NBEAL1: variants seen among roughly 807,000 people sequenced by gnomAD.
NBEAL1 encodes neurobeachin like 1, also known as neurobeachin-like protein 1.
NBEAL1 carries 273 observed loss-of-function variants against 351.3 expected under a neutral mutation model. That is an observed-to-expected ratio of 0.78 (90% CI 0.70 to 0.86). NBEAL1 has a LOEUF of 0.86. NBEAL1 is among the 40% of genes least tolerant of loss of function. NBEAL1 has a pLI of 0.00. For missense variants in NBEAL1, 2,961 were observed against 3,201.3 expected (o/e 0.92, Z 1.81); for synonymous variants, 1,050 against 1,086.4 (o/e 0.97, Z 0.66).
intron 2 of NBEAL1, among the ~76,000 whole-genome samples, chr2:203,030,835 A>C (rs750389939): frequency 6.6e-6 from 1 of 152,148 alleles, no homozygotes; most frequent in Non-Finnish European, 1.5e-5. Context: ...CAACATAGTG[A>C]GGCCCTGTCT....
chr2:203,166,379 C>A, intron 37 of NBEAL1, 82 bp downstream of exon 37: 1 of 1,294,874 alleles, frequency 7.7e-7, no homozygotes, highest in Non-Finnish European at 1.1e-6. Flanking sequence ...AAGAAGAAAG[C>A]AGTAAGATAT....
intron 51 of NBEAL1, among the ~76,000 whole-genome samples, chr2:203,207,471 G>C (rs1031456212): frequency 6.6e-6 from 1 of 152,190 alleles, no homozygotes; most frequent in African/African-American, 2.4e-5. Context: ...GAATAGAAAG[G>C]GGGGAAAGGT....
chr2:203,127,708 C>T lies in NBEAL1; in HGVS notation c.3249-73C>T, dbSNP rs896595744. The T allele has an allele frequency of 9.3e-6, 9 of 964,194 alleles. No individual in the cohort carries two copies. In the East Asian group the frequency reaches 1.2e-4, roughly 13 times the overall value. The allele number at this position is 964,194 out of a possible 1,614,324, so 59.7% of individuals were successfully genotyped here. A position where few individuals can be genotyped will look rare whatever the true frequency, so the allele number is the denominator to read the frequency against. ...CTGCACTCCAGCCTGGGCAACAGAG[C>T]GAGACTCCATCTCAGAAAAAAGGAA... On this transcript the variant is annotated intron_variant, in intron 23 of 55. Transcript: ENST00000683969.
rs528256990 is a variant in NBEAL1, at chr2:203,147,569, A to G, written c.5305-1422A>G. Among the ~76,000 whole-genome samples the G allele has an allele frequency of 6.4e-4, 97 of 152,246 alleles. No homozygotes were observed. The South Asian group carries it at 0.018, about 28-fold the overall frequency. On this transcript the variant is annotated intron_variant, in intron 33 of 55. Coordinates refer to ENST00000683969, the MANE Select transcript of NBEAL1 (RefSeq NM_001378026.1). The stretch of plus-strand genomic sequence containing the variant: ...CTGTATTCATGAATTGGAAGACTCA[A>G]TAGTCTTAAGTAATTTTAAGGTGTA...
chr2:203,157,005 T>G (rs2063814248), intron 35 of NBEAL1, among the ~76,000 whole-genome samples: 1 of 152,202 alleles, frequency 6.6e-6, no homozygotes, highest in Non-Finnish European at 1.5e-5. Flanking sequence ...ACCTTTCATA[T>G]ACATAACAAC....
chr2:203,203,048 T>C (rs1282771141), intron 51 of NBEAL1, among the ~76,000 whole-genome samples: 1 of 152,246 alleles, frequency 6.6e-6, no homozygotes, highest in Non-Finnish European at 1.5e-5. Context: ...TCTTTTAGCA[T>C]AGTAACATTT....
At chr2:203,103,216 A>T (rs753762340) in intron 12 of NBEAL1, among the ~76,000 whole-genome samples, 5 of 150,258 alleles carry the variant, frequency 3.3e-5, no homozygotes, top group Admixed American at 6.6e-5. Context: ...TTGTTCAGTT[A>T]GTGATCTATT....
intron 1 of NBEAL1, among the ~76,000 whole-genome samples, chr2:203,015,302 C>G (rs2060659050): frequency 6.6e-6 from 1 of 152,264 alleles, no homozygotes; most frequent in East Asian, 1.9e-4. Context: ...GGAAGTTCCT[C>G]GCCGGTGTGT....
intron 48 of NBEAL1, among the ~76,000 whole-genome samples, chr2:203,198,463 T>A (rs947170674): frequency 1.3e-5 from 2 of 152,168 alleles, no homozygotes; most frequent in African/African-American, 4.8e-5. Flanking sequence ...TTCTAAATGA[T>A]ATATATTATA....
chr2:203,155,311 G>A (rs2063771779), intron 35 of NBEAL1, among the ~76,000 whole-genome samples: 1 of 150,804 alleles, frequency 6.6e-6, no homozygotes, highest in Non-Finnish European at 1.5e-5. Flanking sequence ...TAGACATGCT[G>A]TTTTCTGATT....
rs527599171 is a variant in NBEAL1 at position 203,094,897 on chromosome 2, G to A, written c.1099-2650G>A. ...AGCACTTTTGGAGGCCAAGGCAGGC[G>A]GATCATCTGAGGTCGGGAGTTCTAG... On this transcript the variant is annotated intron_variant, in intron 10 of 55. Transcript: ENST00000683969. 1.1e-4 allele frequency among the ~76,000 whole-genome samples: 17 copies of A among 152,252 alleles called. No homozygotes were observed. In the East Asian group the frequency reaches 1.7e-3, roughly 16 times the overall value.
chr2:203,194,211 T>G (rs892018220), intron 47 of NBEAL1, among the ~76,000 whole-genome samples: 2 of 152,146 alleles, frequency 1.3e-5, no homozygotes, highest in African/African-American at 4.8e-5. Context: ...GATATGTAGA[T>G]GGAGATAATA....
Position 203,095,898 on chromosome 2 carries a change from A to G in NBEAL1, c.1099-1649A>G, listed in dbSNP as rs538105647. On this transcript the variant is annotated intron_variant, in intron 10 of 55. Coordinates refer to ENST00000683969, the MANE Select transcript of NBEAL1 (RefSeq NM_001378026.1). Reference sequence around the variant, plus strand: ...GGTGATTCTCCTGCCTCAGCCTCCCAAGTAGCTGGGACTACAGGCTAGTTT... The same window carrying G: ...GGTGATTCTCCTGCCTCAGCCTCCCGAGTAGCTGGGACTACAGGCTAGTTT... 6.5e-4 allele frequency among the ~76,000 whole-genome samples: 98 copies of G among 151,826 alleles called. 1 individual carries two copies. The highest frequency in any genetic ancestry group is 2.2e-3 in the African/African-American group (92 of 41,400).
At chr2:203,122,175 A>G in intron 18 of NBEAL1, 79 bp from the exon 19 acceptor site, 3 of 737,874 alleles carry the variant, frequency 4.1e-6, no homozygotes, top group Non-Finnish European at 6.5e-6. Flanking sequence ...TTTTTGTATT[A>G]TGGTGAAATG....
chr2:203,060,211 G>A (rs187845953), intron 6 of NBEAL1, among the ~76,000 whole-genome samples: 153 of 152,050 alleles, frequency 1.0e-3, no homozygotes, highest in African/African-American at 3.6e-3. Context: ...TTAAAGATGG[G>A]GAGAGAAGAT....
At position 203,152,235 on chromosome 2, in the gene NBEAL1, G is replaced by A. The variant is rs183446301; in HGVS notation, c.5587+646G>A. Among the ~76,000 whole-genome samples the A allele has an allele frequency of 5.4e-3, 814 of 151,638 alleles. 11 individuals carry two copies. The highest frequency in any genetic ancestry group is 0.019 in the African/African-American group (766 of 41,312). ...TTGCCTCCCAAGTGCTGGGATTACA[G>A]GTGTGAGCCACCGCACCCAGCCATA... On this transcript the variant is annotated intron_variant, in intron 35 of 55. Coordinates refer to ENST00000683969, the MANE Select transcript of NBEAL1 (RefSeq NM_001378026.1).
chr2:203,114,011 C>T (rs530699545), intron 17 of NBEAL1, among the ~76,000 whole-genome samples: 19 of 152,068 alleles, frequency 1.2e-4, no homozygotes, highest in Admixed American at 9.8e-4. Flanking sequence ...TTAGTAGAGA[C>T]GAGGGTTTAA....
At chr2:203,145,741 T>C (rs1379276977) in intron 33 of NBEAL1, among the ~76,000 whole-genome samples, 1 of 138,002 alleles carries the variant, frequency 7.2e-6, no homozygotes, top group Admixed American at 8.3e-5. Flanking sequence ...GAGGTTGCAG[T>C]GAGCAGAGAT....
intron 3 of NBEAL1, among the ~76,000 whole-genome samples, chr2:203,049,448 A>G (rs2106070473): frequency 6.6e-6 from 1 of 152,366 alleles, no homozygotes; most frequent in South Asian, 2.1e-4. Flanking sequence ...ACTGCTATAC[A>G]CAGTATTTAG....
Sources: gnomAD v4.1 joint callset for allele counts (sites outside exome capture counted in the v4.1 genomes callset) on GRCh38, gnomAD v4.1.1 for gene constraint, MANE v1.5 for transcripts, NCBI Gene and HGNC (gene_info 2026-07-23, HGNC 2026-07-21) for gene names.